ADRA1A: variants seen among roughly 807,000 people sequenced by gnomAD.
The protein encoded by ADRA1A is alpha-1A adrenergic receptor.
Under a neutral mutation model 29.6 loss-of-function variants are expected in ADRA1A, and 31 were observed. The ratio of observed to expected loss-of-function variants is 1.05; its 90% CI spans 0.79 to 1.41. The LOEUF is 1.41. ADRA1A is among the 40% of genes most tolerant of loss of function. The pLI is 0.00. For missense variants in ADRA1A, 619 were observed against 601.1 expected (o/e 1.03, Z -0.31); for synonymous variants, 311 against 254.3 (o/e 1.22, Z -2.12).
intron 2 of ADRA1A, chr8:26,836,191 CAG>C (rs1811347254): frequency 4.0e-6 from 1 of 248,012 alleles, no homozygotes; most frequent in Non-Finnish European, 8.8e-6. Context: ...TCAAAAGGGG[CAG>C]TCTTGTAGTT....
At chr8:26,808,713 C>T (rs191534376) in intron 2 of ADRA1A, among the ~76,000 whole-genome samples, 132 of 152,366 alleles carry the variant, frequency 8.7e-4, no homozygotes, top group South Asian at 3.9e-3. Flanking sequence ...AGATAAGAAA[C>T]TTCAGTTGCC....
chr8:26,790,258 T>G (rs376097256), intron 2 of ADRA1A, among the ~76,000 whole-genome samples: 1 of 152,146 alleles, frequency 6.6e-6, no homozygotes, highest in African/African-American at 2.4e-5. Context: ...ATATACACAA[T>G]AGAATACTAC....
chr8:26,795,125 A>C (rs896571017), intron 2 of ADRA1A, among the ~76,000 whole-genome samples: 3 of 152,162 alleles, frequency 2.0e-5, no homozygotes, highest in Non-Finnish European at 4.4e-5. Flanking sequence ...AAAAGGACCA[A>C]GACTTCCTGG....
rs992714625 is a variant in ADRA1A, at chr8:26,865,141, G to A, written c.-172C>T. The A allele has an allele frequency of 2.8e-6, 4 of 1,447,804 alleles. No homozygotes were observed. The highest frequency in any genetic ancestry group is 5.6e-5 in the Admixed American group (2 of 35,698). The allele number at this position is 1,447,804 out of a possible 1,614,324, so 89.7% of individuals were successfully genotyped here. The stretch of plus-strand genomic sequence containing the variant: ...CGCGGGTGGGAAACAACCCTGGCCA[G>A]CCCTGGGAACCCTCAGAAGGCCACA... On this transcript the variant is annotated 5_prime_UTR_variant, in exon 2 of 3. Coordinates refer to ENST00000380573, the MANE Select transcript of ADRA1A (RefSeq NM_000680.4). The surrounding 1 kb of genome is among the most constrained non-coding windows in gnomAD (Gnocchi z 7.6).
In ADRA1A at chr8:26,787,036, C is replaced by T. The variant is rs1389051359; in HGVS notation, c.884-16370G>A. On this transcript the variant is annotated intron_variant, in intron 2 of 2. Coordinates refer to ENST00000380573, the MANE Select transcript of ADRA1A (RefSeq NM_000680.4). The surrounding 1 kb of genome is among the most constrained non-coding windows in gnomAD (Gnocchi z 4.2). ...GAACATGATGTGACTGTATTACCAA[C>T]CTCATCTTACAGATGAGGAAACTGA... 2.0e-5 allele frequency among the ~76,000 whole-genome samples: 3 copies of T among 152,152 alleles called. No homozygotes were observed.
rs34303150 is a variant in ADRA1A at position 26,860,846 on chromosome 8, A to G, written c.883+3241T>C. Reference sequence around the variant, plus strand: ...TCTCTATCCCATCGTTCCCATCAGAATATAAATATCATGTCATATCCCCAC... The same window carrying G: ...TCTCTATCCCATCGTTCCCATCAGAGTATAAATATCATGTCATATCCCCAC... On this transcript the variant is annotated intron_variant, in intron 2 of 2. Transcript: ENST00000380573. This position sits in a 1 kb window ranked among gnomAD's most constrained non-coding sequence, Gnocchi z 4.7. Among the ~76,000 whole-genome samples, 98,753 of 151,856 alleles carry G rather than the reference A, an allele frequency of 0.65. 34,235 individuals carry two copies. The highest frequency in any genetic ancestry group is 0.79 in the South Asian group (3,780 of 4,804).
intron 2 of ADRA1A, among the ~76,000 whole-genome samples, chr8:26,829,179 C>T (rs577176728): frequency 3.9e-5 from 6 of 152,078 alleles, no homozygotes; most frequent in African/African-American, 9.7e-5. Context: ...TCACAATGCT[C>T]GGGAGACTCA....
At chr8:26,847,892 G>T (rs1168183237) in intron 2 of ADRA1A, among the ~76,000 whole-genome samples, 1 of 152,222 alleles carries the variant, frequency 6.6e-6, no homozygotes, top group African/African-American at 2.4e-5. Context: ...AGGACGCAGG[G>T]TTCCCTGGCT....
intron 2 of ADRA1A, among the ~76,000 whole-genome samples, chr8:26,850,552 G>A (rs1023946210): frequency 2.0e-5 from 3 of 152,242 alleles, no homozygotes; most frequent in Non-Finnish European, 2.9e-5. Context: ...ATGCAGTGCA[G>A]TGTGGAAATC....
chr8:26,758,904 T>G (rs1805352265), intron 2 of ADRA1A, among the ~76,000 whole-genome samples: 1 of 152,254 alleles, frequency 6.6e-6, no homozygotes, highest in Admixed American at 6.5e-5. Context: ...GGAAAATTTT[T>G]TTTTGTAATG....
At chr8:26,749,549 G>A (rs894223757) in intron 2 of ADRA1A, among the ~76,000 whole-genome samples, 1 of 152,154 alleles carries the variant, frequency 6.6e-6, no homozygotes, top group Non-Finnish European at 1.5e-5. Flanking sequence ...ACAATAAAAT[G>A]GTAAGGGTGG....
rs1007812362 is a variant in ADRA1A at position 26,793,057 on chromosome 8, G to A, written c.884-22391C>T. Reference sequence around the variant, plus strand: ...CTAGGTAAAAAAAATAAACTGAGACGGTAATATTAGTATTAAACAAAGCAG... The same window carrying A: ...CTAGGTAAAAAAAATAAACTGAGACAGTAATATTAGTATTAAACAAAGCAG... On this transcript the variant is annotated intron_variant, in intron 2 of 2. Transcript: ENST00000380573. Among the ~76,000 whole-genome samples, 10 of 151,486 alleles carry A rather than the reference G, an allele frequency of 6.6e-5. No homozygotes were observed. The East Asian group carries it at 7.7e-4, about 12-fold the overall frequency.
chr8:26,855,660 T>G (rs1310337141), intron 2 of ADRA1A, among the ~76,000 whole-genome samples: 1 of 152,138 alleles, frequency 6.6e-6, no homozygotes, highest in Non-Finnish European at 1.5e-5. Context: ...AATGGGTTGA[T>G]AGGTAAAGCA....
rs1402672148 is a variant in ADRA1A at position 26,815,611 on chromosome 8, G to T, written c.884-44945C>A. 6.6e-6 allele frequency among the ~76,000 whole-genome samples: 1 copy of T among 152,174 alleles called. No homozygotes were observed. The highest frequency in any genetic ancestry group is 2.4e-5 in the African/African-American group (1 of 41,430). The stretch of plus-strand genomic sequence containing the variant: ...TCACAGAGCTAGGCCTTTAGTGAAA[G>T]GTAGATGACTAGGAACCTGATCAGT... On this transcript the variant is annotated intron_variant, in intron 2 of 2. Transcript: ENST00000380573. This position sits in a 1 kb window ranked among gnomAD's most constrained non-coding sequence, Gnocchi z 4.2.
intron 2 of ADRA1A, among the ~76,000 whole-genome samples, chr8:26,758,927 C>T (rs899713734): frequency 2.6e-5 from 4 of 152,154 alleles, no homozygotes; most frequent in Admixed American, 6.5e-5. Context: ...ACTATGAAAT[C>T]TCATACCTTA....
rs1810349666 is a variant in ADRA1A, at chr8:26,823,785, T to C, written c.883+40302A>G. On this transcript the variant is annotated intron_variant, in intron 2 of 2. Coordinates refer to ENST00000380573, the MANE Select transcript of ADRA1A (RefSeq NM_000680.4). This position sits in a 1 kb window ranked among gnomAD's most constrained non-coding sequence, Gnocchi z 4.2. ...GGCACAACCACTCTCTGATGTGTGT[T>C]ATAATTATAGTTGTCAAGGTGAAGA... 6.6e-6 allele frequency among the ~76,000 whole-genome samples: 1 copy of C among 152,188 alleles called. No homozygotes were observed. Among genetic ancestry groups the C allele is most frequent in the Non-Finnish European group, 1.5e-5 (1 of 68,030 alleles).
At chr8:26,826,820 T>C (rs1030792542) in intron 2 of ADRA1A, among the ~76,000 whole-genome samples, 1 of 152,172 alleles carries the variant, frequency 6.6e-6, no homozygotes, top group Non-Finnish European at 1.5e-5. Context: ...ATTTGACCAG[T>C]AGGAGAGCTA....
chr8:26,835,743 G>C (rs1435354357), intron 2 of ADRA1A: 1 of 152,212 alleles, frequency 6.6e-6, no homozygotes, highest in East Asian at 1.9e-4. Flanking sequence ...ATTCCTCATA[G>C]AGATATTCAG....
chr8:26,792,931 C>A (rs942140580), intron 2 of ADRA1A, among the ~76,000 whole-genome samples: 3 of 151,234 alleles, frequency 2.0e-5, no homozygotes, highest in African/African-American at 7.3e-5. Flanking sequence ...AAAAATAAAG[C>A]CTCTCACACT....
Sources: allele counts gnomAD v4.1 joint callset (sites outside exome capture counted in the v4.1 genomes callset), GRCh38; gene constraint gnomAD v4.1.1; non-coding constraint Gnocchi (gnomAD v3.1); transcripts MANE v1.5; gene names NCBI Gene and HGNC (gene_info 2026-07-23, HGNC 2026-07-21).